FAM186B: variants seen among roughly 807,000 people sequenced by gnomAD.
FAM186B encodes family with sequence similarity 186 member B, also known as protein FAM186B.
A neutral mutation model predicts 83.4 loss-of-function variants in FAM186B; 68 were observed. The ratio of observed to expected loss-of-function variants is 0.81; its 90% CI spans 0.67 to 1.00. The LOEUF is 1.00. Among genes scored for constraint, FAM186B ranks in the 50% least tolerant of loss-of-function variants. The pLI is 0.00. For synonymous variants in FAM186B, 389 were observed against 422.0 expected (o/e 0.92, Z 0.96); for missense variants, 983 against 1,099.2 (o/e 0.89, Z 1.49).
Position 49,600,277 on chromosome 12 carries a change from T to C in FAM186B, c.1363A>G (p.Ile455Val), listed in dbSNP as rs1250364213. 26 of 1,614,010 alleles carry C rather than the reference T, an allele frequency of 1.6e-5. No individual in the cohort carries two copies. The highest frequency in any genetic ancestry group is 1.9e-5 in the Non-Finnish European group (23 of 1,180,020). The change falls in exon 4 of 7, where the codon ATT becomes GTT. Residue 455 changes from isoleucine (I) to valine (V), a missense_variant. Coordinates refer to ENST00000257894, the MANE Select transcript of FAM186B (RefSeq NM_032130.3). The surrounding 1 kb of genome is among the most constrained non-coding windows in gnomAD (Gnocchi z 4.3). ...EDYFQKGGLQ[I>V]KFHCSKQLSL... The stretch of plus-strand genomic sequence containing the variant: ...AGCTGCTTGCTACAGTGGAACTTAA[T>C]TTGGAGTCCTCCCTTCTGGAAGTAG...
At chr12:49,605,717 G>A, upstream of FAM186B, 1 of 376,686 alleles carries the variant, frequency 2.7e-6, no homozygotes, top group South Asian at 4.9e-5. Flanking sequence ...CTAGCTTTTT[G>A]TCCATTACCT....
Position 49,599,961 on chromosome 12 carries a change from A to T in FAM186B, c.1679T>A (p.Phe560Tyr). ...GTCCCTCCATCGACTGGTGGGTGTG[A>T]AGATCCTCCTCTCCACATCCTCCCC... ...QLGEDVERRI[F>Y]TPTSRWRDLE... Residue 560 changes from phenylalanine (F) to tyrosine (Y), a missense_variant, in exon 4 of 7, where the codon TTC becomes TAC. Transcript: ENST00000257894. 1 of 1,613,696 alleles carries T rather than the reference A, an allele frequency of 6.2e-7. No individual in the cohort carries two copies. Among genetic ancestry groups the T allele is most frequent in the Non-Finnish European group, 8.5e-7 (1 of 1,179,882 alleles).
downstream of FAM186B, chr12:49,584,656 A>T (rs1303261795): frequency 1.4e-6 from 1 of 701,856 alleles, no homozygotes; most frequent in Non-Finnish European, 2.6e-6. Context: ...AGTAACTGAG[A>T]CAAGGCCCAG....
In FAM186B at chr12:49,600,629, G is replaced by A. The variant is rs759446775; in HGVS notation, c.1011C>T (p.Asp337=). 1.9e-6 allele frequency: 3 copies of A among 1,613,362 alleles called. No individual in the cohort carries two copies. Among genetic ancestry groups the A allele is most frequent in the Non-Finnish European group, 2.5e-6 (3 of 1,179,574 alleles). ...TCTCTCTCTCAGAGGGACCTGGGGA[G>A]TCAACAGAAACCTCAGCCAGGTCTT... ...QAEDLAEVSV[D]SPGPSERETL... is the part of the protein sequence containing the mutation. The change falls in exon 4 of 7, where the codon GAC becomes GAT. Residue 337 remains aspartate (D), a synonymous_variant. Coordinates refer to ENST00000257894, the MANE Select transcript of FAM186B (RefSeq NM_032130.3). The surrounding 1 kb of genome is among the most constrained non-coding windows in gnomAD (Gnocchi z 4.3).
intron 6 of FAM186B, 136 bp from the exon 7 acceptor site, chr12:49,587,888 T>C (rs1939485366): frequency 1.1e-6 from 1 of 942,222 alleles, no homozygotes; most frequent in Middle Eastern, 3.4e-4. Flanking sequence ...GCCCTCCTCA[T>C]CTCCCCTCCA....
rs749638846 is a variant in FAM186B at position 49,600,483 on chromosome 12, G to A, written c.1157C>T (p.Ala386Val). The change falls in exon 4 of 7, where the codon GCT (alanine) becomes GTT (valine). Residue 386 changes from alanine to valine, a missense_variant. By Grantham distance (64) the Ala-to-Val change is moderately conservative (BLOSUM62 0). Transcript: ENST00000257894. This position sits in a 1 kb window ranked among gnomAD's most constrained non-coding sequence, Gnocchi z 4.3. ...MAMIRDSGAI[A>V]AGHQPLSTMT... Reference sequence around the variant, plus strand: ...GGTGGAAAGTGGCTGGTGCCCTGCAGCTATAGCACCACTGTCCCGTATCAT... The same window carrying A: ...GGTGGAAAGTGGCTGGTGCCCTGCAACTATAGCACCACTGTCCCGTATCAT... 2.5e-6 allele frequency: 4 copies of A among 1,613,804 alleles called. No individual in the cohort carries two copies. In the South Asian group the frequency reaches 4.4e-5, roughly 18 times the overall value.
At chr12:49,603,507 C>T in intron 2 of FAM186B, 140 bp from the exon 3 acceptor site, 1 of 761,512 alleles carries the variant, frequency 1.3e-6, no homozygotes, top group African/African-American at 1.8e-5. Context: ...TTGGGCAAGT[C>T]ACTTATCCCC....
the FAM186B span, among the ~76,000 whole-genome samples, chr12:49,612,280 G>T: frequency 1.3e-5 from 2 of 151,938 alleles, no homozygotes; most frequent in East Asian, 3.9e-4. Context: ...TAACATAAAG[G>T]GTTGAAGAAA....
chr12:49,591,253 A>C (rs1417465002), intron 5 of FAM186B, among the ~76,000 whole-genome samples: 2 of 152,234 alleles, frequency 1.3e-5, no homozygotes, highest in Non-Finnish European at 2.9e-5. Flanking sequence ...GCCACATGGC[A>C]AGGAATCTCC....
At chr12:49,619,432 G>A in the FAM186B span, 1 of 562,158 alleles carries the variant, frequency 1.8e-6, no homozygotes, top group Non-Finnish European at 3.3e-6. Flanking sequence ...CCACTGGAAT[G>A]GCAGGTTTTG....
chr12:49,595,161 C>T, intron 5 of FAM186B: 1 of 436,226 alleles, frequency 2.3e-6, no homozygotes, highest in East Asian at 5.3e-5. Flanking sequence ...GCTAAAGGAG[C>T]AGAGGAAATG....
chr12:49,622,131 C>G, the FAM186B span, among the ~76,000 whole-genome samples: 1 of 152,266 alleles, frequency 6.6e-6, no homozygotes. Context: ...AAAATCGCCC[C>G]AGCTGCGCTG....
At chr12:49,617,543 C>CA in the FAM186B span, among the ~76,000 whole-genome samples, 39 of 151,256 alleles carry the variant, frequency 2.6e-4, no homozygotes, top group African/African-American at 8.7e-4. Flanking sequence ...GACCCTGTCT[C>CA]AAAAAAAAGC....
chr12:49,595,299 T>G (rs1384786327), intron 5 of FAM186B: 3 of 681,750 alleles, frequency 4.4e-6, no homozygotes, highest in Non-Finnish European at 7.9e-6. Flanking sequence ...GTCTTGAAGA[T>G]GCAAAAAAAG....
chr12:49,603,080 G>T, intron 3 of FAM186B, 105 bp downstream of exon 3: 2 of 1,256,702 alleles, frequency 1.6e-6, no homozygotes, highest in Non-Finnish European at 2.3e-6. Context: ...AAACTTCTGT[G>T]ATGGAGGAGA....
chr12:49,595,230 T>C lies in FAM186B; in HGVS notation c.2364+3525A>G, dbSNP rs879016440. 12 of 648,516 alleles carry C rather than the reference T, an allele frequency of 1.9e-5. 1 individual carries two copies. The highest frequency in any genetic ancestry group is 3.7e-5 in the African/African-American group (2 of 54,546). 40.2% of individuals were successfully genotyped at this position (648,516 alleles called of 1,614,324 possible). On this transcript the variant is annotated intron_variant, in intron 5 of 6. Transcript: ENST00000257894. ...CTGGGATTAAGGTCACCATTGCAGGTCTGGCTGGAAAAGACCCAGTACAGT... is the reference window on the plus strand; with the variant it reads ...CTGGGATTAAGGTCACCATTGCAGGCCTGGCTGGAAAAGACCCAGTACAGT...
chr12:49,604,598 C>T, intron 1 of FAM186B, 60 bp from the exon 2 acceptor site: 1 of 1,434,568 alleles, frequency 7.0e-7, no homozygotes, highest in East Asian at 2.3e-5. Flanking sequence ...AAGCCACATG[C>T]TAGCAGCGTG....
upstream of FAM186B, among the ~76,000 whole-genome samples, chr12:49,608,204 A>G (rs1940053648): frequency 6.6e-6 from 1 of 151,206 alleles, no homozygotes; most frequent in South Asian, 2.1e-4. Context: ...AAAAAAAAAA[A>G]AGTTGGCCGG....
chr12:49,599,022 CTT>C, intron 4 of FAM186B, 75 bp from the exon 5 acceptor site: 1 of 1,439,480 alleles, frequency 6.9e-7, no homozygotes, highest in South Asian at 1.3e-5. Context: ...CCAGAGATGA[CTT>C]TGTTTTCTTT....
Sources: allele counts gnomAD v4.1 joint callset (sites outside exome capture counted in the v4.1 genomes callset), GRCh38; gene constraint gnomAD v4.1.1; non-coding constraint Gnocchi (gnomAD v3.1); transcripts MANE v1.5; gene names NCBI Gene and HGNC (gene_info 2026-07-23, HGNC 2026-07-21).